FAAH: variants seen among roughly 807,000 people sequenced by gnomAD.
The protein encoded by FAAH is fatty-acid amide hydrolase 1.
In FAAH, 63 loss-of-function variants were observed where a neutral mutation model predicts 69.7. The ratio of observed to expected loss-of-function variants is 0.90; its 90% CI spans 0.74 to 1.12. The LOEUF is 1.12. Ranked by LOEUF, FAAH falls within the 50% of genes most tolerant of loss-of-function variation. The probability of loss-of-function intolerance (pLI) is 0.00; values close to 1 mark genes in which losing one functional copy is unlikely to be tolerated. For missense variants in FAAH, 680 were observed against 755.0 expected (o/e 0.90, Z 1.16); for synonymous variants, 305 against 324.2 (o/e 0.94, Z 0.64).
intron 1 of FAAH, among the ~76,000 whole-genome samples, chr1:46,396,441 C>T (rs1454474669): frequency 6.6e-6 from 1 of 152,162 alleles, no homozygotes; most frequent in Non-Finnish European, 1.5e-5. Flanking sequence ...GGGTATCGGG[C>T]TGAGGTATGG....
At position 46,404,564 on chromosome 1, in the gene FAAH, G is replaced by C. The variant is rs1226232923; in HGVS notation, c.310-450G>C. ...TTGAGGAGAGACTGCTGGGCTCCGGGAGGCAGGAGTCTGGTCTAGTCCTGC... is the reference window on the plus strand; with the variant it reads ...TTGAGGAGAGACTGCTGGGCTCCGGCAGGCAGGAGTCTGGTCTAGTCCTGC... On this transcript the variant is annotated intron_variant, in intron 2 of 14. Transcript: ENST00000243167. The surrounding 1 kb of genome is among the most constrained non-coding windows in gnomAD (Gnocchi z 4.5). Among the ~76,000 whole-genome samples, 2 of 152,238 alleles carry C rather than the reference G, an allele frequency of 1.3e-5. No homozygotes were observed. Among genetic ancestry groups the C allele is most frequent in the Admixed American group, 1.3e-4 (2 of 15,292 alleles).
At position 46,394,502 on chromosome 1, in the gene FAAH, CT is replaced by C; in HGVS notation, c.155del (p.Leu52ArgfsTer24). 1 of 1,396,554 alleles carries C rather than the reference CT, an allele frequency of 7.2e-7. No homozygotes were observed. Among genetic ancestry groups the C allele is most frequent in the Middle Eastern group, 2.3e-4 (1 of 4,428 alleles). 86.5% of individuals were successfully genotyped at this position (1,396,554 alleles called of 1,614,324 possible). A position where few individuals can be genotyped will look rare whatever the true frequency, so the allele number is the denominator to read the frequency against. On this transcript the variant is annotated frameshift_variant, in exon 1 of 15. Coordinates refer to ENST00000243167, the MANE Select transcript of FAAH (RefSeq NM_001441.3). LOFTEE classifies it high-confidence loss of function. ...GGCGCGACAGAGGCAGCGAGCGGGCCTGGAGAACATGGACAGGGCGGCGCAG... is the reference window on the plus strand; with the variant it reads ...GGCGCGACAGAGGCAGCGAGCGGGCCGGAGAACATGGACAGGGCGGCGCAG... Reference protein sequence around the residue: ...VRARQRQRAGLENMDRAAQRF... With the variant: ...VRARQRQRAGXENMDRAAQRF...
chr1:46,408,262 G>C (rs1664836369), intron 7 of FAAH, among the ~76,000 whole-genome samples, 197 bp from the exon 8 acceptor site: 1 of 152,176 alleles, frequency 6.6e-6, no homozygotes, highest in Non-Finnish European at 1.5e-5. Flanking sequence ...ATGACCAGTA[G>C]GAATCCTTAT....
At chr1:46,408,146 A>G (rs1034519344) in intron 7 of FAAH, among the ~76,000 whole-genome samples, 18 of 152,150 alleles carry the variant, frequency 1.2e-4, no homozygotes, top group African/African-American at 4.3e-4. Context: ...AGAAGACAGG[A>G]TGCCTGCATT....
chr1:46,409,067 GGT>G (rs1664852723), intron 8 of FAAH, 32 bp from the exon 9 acceptor site: 3 of 1,574,400 alleles, frequency 1.9e-6, no homozygotes, highest in Non-Finnish European at 8.7e-7. Context: ...CCAGTTGTTA[GGT>G]CAGGAGGCCT....
At position 46,402,200 on chromosome 1, in the gene FAAH, G is replaced by T. The variant is rs1195701698; in HGVS notation, c.305G>T (p.Gly102Val). Residue 102 changes from glycine (G) to valine (V), a missense_variant, in exon 2 of 15, where the codon GGA becomes GTA. Coordinates refer to ENST00000243167, the MANE Select transcript of FAAH (RefSeq NM_001441.3). ...GAGGCCGTGCTCTTCACCTATGTGG[G>T]AAAGGTAAGGCCAGCCAAGGCCAGC... Reference protein sequence around the residue: ...APEAVLFTYVGKAWEVNKGTN... With the variant: ...APEAVLFTYVVKAWEVNKGTN... The T allele has an allele frequency of 1.3e-6, 2 of 1,590,640 alleles. No homozygotes were observed. The highest frequency in any genetic ancestry group is 1.7e-6 in the Non-Finnish European group (2 of 1,172,230).
intron 1 of FAAH, among the ~76,000 whole-genome samples, chr1:46,397,364 A>G (rs960955364): frequency 2.0e-5 from 3 of 152,170 alleles, no homozygotes; most frequent in Non-Finnish European, 4.4e-5. Context: ...ACTGCTCTTC[A>G]TTATTTTTAC....
rs1175565531 is a variant in FAAH at position 46,404,422 on chromosome 1, C to T, written c.310-592C>T. 2.0e-5 allele frequency among the ~76,000 whole-genome samples: 3 copies of T among 152,216 alleles called. No homozygotes were observed. The highest frequency in any genetic ancestry group is 4.8e-5 in the African/African-American group (2 of 41,446). ...TTTGAGCATTCTAGGCAGATTTCCA[C>T]TATTAGCATGTTCTTCCCTTTTGTC... On this transcript the variant is annotated intron_variant, in intron 2 of 14. Transcript: ENST00000243167. This position sits in a 1 kb window ranked among gnomAD's most constrained non-coding sequence, Gnocchi z 4.5.
Position 46,410,249 on chromosome 1 carries a change from A to T in FAAH, c.1176-149A>T, listed in dbSNP as rs1312897011. On this transcript the variant is annotated intron_variant, in intron 9 of 14. Transcript: ENST00000243167. This position sits in a 1 kb window ranked among gnomAD's most constrained non-coding sequence, Gnocchi z 4.9. Reference sequence around the variant, plus strand: ...GCATCCCAAAGGATCAGCAGAAACAAACGGCATGTTTGGAAGGAGGGAGCT... The same window carrying T: ...GCATCCCAAAGGATCAGCAGAAACATACGGCATGTTTGGAAGGAGGGAGCT... The T allele has an allele frequency of 4.0e-6, 3 of 741,970 alleles. No individual in the cohort carries two copies. Among genetic ancestry groups the T allele is most frequent in the Non-Finnish European group, 7.4e-6 (3 of 406,086 alleles). 46.0% of individuals were successfully genotyped at this position (741,970 alleles called of 1,614,324 possible).
chr1:46,402,006 C>A, intron 1 of FAAH, 85 bp from the exon 2 acceptor site: 2 of 1,146,220 alleles, frequency 1.7e-6, no homozygotes, highest in Non-Finnish European at 2.6e-6. Flanking sequence ...CATGTCAGAG[C>A]TGCTGGGGCA....
At chr1:46,409,333 T>G in intron 9 of FAAH, 135 bp downstream of exon 9, 1 of 729,948 alleles carries the variant, frequency 1.4e-6, no homozygotes, top group Non-Finnish European at 2.5e-6. Context: ...GGCAGGGACC[T>G]CGCTGTCCCT....
rs547549649 is a variant in FAAH at position 46,404,160 on chromosome 1, C to T, written c.310-854C>T. On this transcript the variant is annotated intron_variant, in intron 2 of 14. Coordinates refer to ENST00000243167, the MANE Select transcript of FAAH (RefSeq NM_001441.3). The surrounding 1 kb of genome is among the most constrained non-coding windows in gnomAD (Gnocchi z 4.5). Reference sequence around the variant, plus strand: ...GTCTCAGCAGATGGTCTTGCTTCTTCCCTGTCAATGTCCCTGAAAGGCTCC... The same window carrying T: ...GTCTCAGCAGATGGTCTTGCTTCTTTCCTGTCAATGTCCCTGAAAGGCTCC... Among the ~76,000 whole-genome samples, 1 of 152,300 alleles carries T rather than the reference C, an allele frequency of 6.6e-6. No homozygotes were observed. The highest frequency in any genetic ancestry group is 2.1e-4 in the South Asian group (1 of 4,828).
intron 6 of FAAH, 52 bp downstream of exon 6, chr1:46,406,130 C>T (rs765881173): frequency 6.2e-7 from 1 of 1,613,942 alleles, no homozygotes; most frequent in East Asian, 2.2e-5. Flanking sequence ...GTCGGCCTGA[C>T]CCGCTTCCGC....
Position 46,410,294 on chromosome 1 carries a change from T to A in FAAH, c.1176-104T>A. 1 of 874,562 alleles carries A rather than the reference T, an allele frequency of 1.1e-6. No individual in the cohort carries two copies. The highest frequency in any genetic ancestry group is 2.2e-4 in the Middle Eastern group (1 of 4,610). The allele number at this position is 874,562 out of a possible 1,614,324, so 54.2% of individuals were successfully genotyped here. On this transcript the variant is annotated intron_variant, in intron 9 of 14. Transcript: ENST00000243167. This position sits in a 1 kb window ranked among gnomAD's most constrained non-coding sequence, Gnocchi z 4.9. ...GGAGCTGAGTCTGGTGAGGAGGAGG[T>A]GGACAGGATCCCTGCATAGAGAATG...
At position 46,411,878 on chromosome 1, in the gene FAAH, G is replaced by A. The variant is rs926079017; in HGVS notation, c.1356+227G>A. 2.0e-5 allele frequency among the ~76,000 whole-genome samples: 3 copies of A among 152,164 alleles called. No homozygotes were observed. Among genetic ancestry groups the A allele is most frequent in the Admixed American group, 6.5e-5 (1 of 15,286 alleles). On this transcript the variant is annotated intron_variant, in intron 12 of 14. Transcript: ENST00000243167. This position sits in a 1 kb window ranked among gnomAD's most constrained non-coding sequence, Gnocchi z 4.8. Reference sequence around the variant, plus strand: ...TCAGCCCCAGGCTCCTGTCCTGGCCGCCTTTTTGCCCCTCTGGAGCTGCCT... The same window carrying A: ...TCAGCCCCAGGCTCCTGTCCTGGCCACCTTTTTGCCCCTCTGGAGCTGCCT...
chr1:46,413,405 C>T (rs769633124), intron 14 of FAAH, 42 bp from the exon 15 acceptor site: 5 of 1,613,810 alleles, frequency 3.1e-6, no homozygotes, highest in South Asian at 1.1e-5. Context: ...GGTGGGGAGT[C>T]CTGCCTTGCT....
rs202230048 is a variant in FAAH, at chr1:46,405,764, G to A, written c.755G>A (p.Cys252Tyr). Residue 252 changes from cysteine (C) to tyrosine (Y), a missense_variant, in exon 5 of 15, where the codon TGC (cysteine) becomes TAC (tyrosine). Cys to Tyr is a radical substitution (Grantham distance 194, BLOSUM62 -2). Transcript: ENST00000243167. This position sits in a 1 kb window ranked among gnomAD's most constrained non-coding sequence, Gnocchi z 4.1. ...IRFPSSFCGI[C>Y]GLKPTGNRLS... ...TTCCCCTCCTCCTTCTGCGGCATCT[G>A]CGGCCTCAAGCCCACAGGGAACCGC... is the stretch of plus-strand genomic sequence containing the variant. 1 of 1,613,492 alleles carries A rather than the reference G, an allele frequency of 6.2e-7. No individual in the cohort carries two copies. The highest frequency in any genetic ancestry group is 1.3e-5 in the African/African-American group (1 of 75,064).
intron 7 of FAAH, 85 bp from the exon 8 acceptor site, chr1:46,408,374 G>A: frequency 1.9e-6 from 3 of 1,588,576 alleles, no homozygotes; most frequent in Non-Finnish European, 2.6e-6. Flanking sequence ...TGTGTCTGGG[G>A]CTGAGTAGTT....
Position 46,405,991 on chromosome 1 carries a change from G to A in FAAH, c.786-47G>A, listed in dbSNP as rs755681675. 3.7e-6 allele frequency: 6 copies of A among 1,613,832 alleles called. No homozygotes were observed. Among genetic ancestry groups the A allele is most frequent in the Non-Finnish European group, 4.2e-6 (5 of 1,179,914 alleles). On this transcript the variant is annotated intron_variant, in intron 5 of 14. Transcript: ENST00000243167. This position sits in a 1 kb window ranked among gnomAD's most constrained non-coding sequence, Gnocchi z 4.1. ...GCTGCTCTGTGGGTGTGGGGATGGCGGCGGGTGGCCATTTCCTGTTTCCAG... is the reference window on the plus strand; with the variant it reads ...GCTGCTCTGTGGGTGTGGGGATGGCAGCGGGTGGCCATTTCCTGTTTCCAG...
Sources: gnomAD v4.1 joint callset for allele counts (sites outside exome capture counted in the v4.1 genomes callset) on GRCh38, gnomAD v4.1.1 for gene constraint, Gnocchi (gnomAD v3.1) non-coding constraint, MANE v1.5 for transcripts, NCBI Gene and HGNC (gene_info 2026-07-23, HGNC 2026-07-21) for gene names.